Variants in RNF2 observed in about 807,000 individuals in gnomAD.
RNF2 encodes ring finger protein 2, also known as E3 ubiquitin-protein ligase RING2.
A neutral mutation model predicts 37.2 loss-of-function variants in RNF2; 6 were observed. The ratio of observed to expected loss-of-function variants is 0.16; its 90% CI spans 0.09 to 0.32. RNF2 has a LOEUF of 0.32. Ranked by LOEUF, RNF2 falls within the 10% of genes least tolerant of loss-of-function variation. The probability of loss-of-function intolerance (pLI) is 1.00; values close to 1 mark genes in which losing one functional copy is unlikely to be tolerated. For missense variants in RNF2, 251 were observed against 404.0 expected (o/e 0.62, Z 3.25); for synonymous variants, 133 against 132.7 (o/e 1.00, Z -0.02).
chr1:185,082,344 A>ATTTTTTTTTTTTTTTTTT (rs1557969996), intron 1 of RNF2, among the ~76,000 whole-genome samples: 1 of 46,834 alleles, frequency 2.1e-5, no homozygotes. Context: ...CCTCTGCAGA[A>ATTTTTTTTTTTTTTTTTT]CTTTTTTTTT....
intron 1 of RNF2, among the ~76,000 whole-genome samples, chr1:185,064,394 T>G (rs1650738148): frequency 6.6e-6 from 1 of 152,226 alleles, no homozygotes; most frequent in Non-Finnish European, 1.5e-5. Context: ...CTGATTTTTT[T>G]GGTAATGCTT....
At chr1:185,083,159 T>G (rs1651479736) in intron 1 of RNF2, among the ~76,000 whole-genome samples, 2 of 152,232 alleles carry the variant, frequency 1.3e-5, no homozygotes, top group Admixed American at 1.3e-4. Context: ...TCTGCTTGCT[T>G]TATCTACTAA....
chr1:185,076,793 T>G (rs1323173483), intron 1 of RNF2, among the ~76,000 whole-genome samples: 6 of 152,122 alleles, frequency 3.9e-5, no homozygotes, highest in Admixed American at 2.0e-4. Context: ...ATAGTGTTGC[T>G]TTCTATTAAG....
intron 1 of RNF2, among the ~76,000 whole-genome samples, chr1:185,074,789 T>C (rs1651096001): frequency 6.6e-6 from 1 of 152,174 alleles, no homozygotes; most frequent in Non-Finnish European, 1.5e-5. Flanking sequence ...TTACATTGTA[T>C]TGAGTATTGT....
At chr1:185,053,594 C>T (rs1232040146) in intron 1 of RNF2, among the ~76,000 whole-genome samples, 1 of 152,122 alleles carries the variant, frequency 6.6e-6, no homozygotes, top group Non-Finnish European at 1.5e-5. Context: ...CTCAAGCAGT[C>T]CTCCCTCCTT....
At chr1:185,059,190 A>G (rs1650527231) in intron 1 of RNF2, among the ~76,000 whole-genome samples, 1 of 151,984 alleles carries the variant, frequency 6.6e-6, no homozygotes, top group South Asian at 2.1e-4. Context: ...TCAAGAATGA[A>G]AAATGAGAAT....
In RNF2 at chr1:185,087,537, CTTCT is replaced by C. The variant is rs1216377240; in HGVS notation, c.-2-12_-2-9del. On this transcript the variant is annotated splice_polypyrimidine_tract_variant and intron_variant, in intron 1 of 6. Coordinates refer to ENST00000367510, the MANE Select transcript of RNF2 (RefSeq NM_007212.4). Reference sequence around the variant, plus strand: ...CCAAATACTAAAATTGTTTTTCTCTCTTCTTTATTTCCAGCAATGTCTCAGGCTG... The same window carrying C: ...CCAAATACTAAAATTGTTTTTCTCTCTTATTTCCAGCAATGTCTCAGGCTG... The C allele has an allele frequency of 1.4e-5, 22 of 1,611,876 alleles. No individual in the cohort carries two copies. The highest frequency in any genetic ancestry group is 4.4e-5 in the South Asian group (4 of 90,990).
At chr1:185,093,398 C>G in intron 4 of RNF2, 122 bp downstream of exon 4, 1 of 822,318 alleles carries the variant, frequency 1.2e-6, no homozygotes, top group Non-Finnish European at 2.0e-6. Context: ...GATTACCTTT[C>G]GTGCAGGTAT....
intron 1 of RNF2, among the ~76,000 whole-genome samples, chr1:185,065,442 C>A (rs1465037441): frequency 6.6e-6 from 1 of 152,222 alleles, no homozygotes; most frequent in Admixed American, 6.5e-5. Flanking sequence ...CACAATAAAT[C>A]TTGCTGCTGC....
At chr1:185,081,889 G>A (rs1651421902) in intron 1 of RNF2, among the ~76,000 whole-genome samples, 2 of 152,176 alleles carry the variant, frequency 1.3e-5, no homozygotes, top group African/African-American at 4.8e-5. Context: ...AACTGTAGTG[G>A]ATCAGAAAGC....
At chr1:185,091,981 G>GTTT (rs373704731) in intron 3 of RNF2, 173 of 235,190 alleles carry the variant, frequency 7.4e-4, no homozygotes, top group South Asian at 1.4e-3. Flanking sequence ...TGGCCGGCTA[G>GTTT]TTTTTTTTTT....
intron 1 of RNF2, among the ~76,000 whole-genome samples, chr1:185,056,444 G>C (rs1442274826): frequency 1.3e-5 from 2 of 151,176 alleles, no homozygotes; most frequent in African/African-American, 4.9e-5. Flanking sequence ...CTGCAGCCTT[G>C]AACTCCTGGG....
intron 1 of RNF2, among the ~76,000 whole-genome samples, chr1:185,066,196 A>G (rs1404940570): frequency 6.6e-6 from 1 of 152,140 alleles, no homozygotes; most frequent in Non-Finnish European, 1.5e-5. Context: ...TCTCTTCGTC[A>G]TTGCACTGTG....
At chr1:185,076,448 G>T (rs1184743137) in intron 1 of RNF2, among the ~76,000 whole-genome samples, 3 of 150,858 alleles carry the variant, frequency 2.0e-5, no homozygotes, top group Non-Finnish European at 4.4e-5. Context: ...GTGCCTCCAT[G>T]CCTGGCTAAT....
intron 1 of RNF2, among the ~76,000 whole-genome samples, chr1:185,047,844 T>C (rs1650162129): frequency 6.6e-6 from 1 of 152,250 alleles, no homozygotes; most frequent in African/African-American, 2.4e-5. Flanking sequence ...ATTCGTGTTA[T>C]TGCACACACT....
chr1:185,058,313 CTG>C (rs1413912700), intron 1 of RNF2, among the ~76,000 whole-genome samples: 9 of 152,178 alleles, frequency 5.9e-5, no homozygotes, highest in Middle Eastern at 6.8e-3. Flanking sequence ...CTTTTGGTGT[CTG>C]TGGTGTGCGG....
At chr1:185,063,131 C>A (rs1408655203) in intron 1 of RNF2, among the ~76,000 whole-genome samples, 5 of 152,170 alleles carry the variant, frequency 3.3e-5, no homozygotes, top group Non-Finnish European at 5.9e-5. Flanking sequence ...AAACCTGTAA[C>A]TGTAAATGAG....
At position 185,101,846 on chromosome 1, in the gene RNF2, T is replaced by TTTC. The variant is rs1030045020; in HGVS notation, c.*1547_*1548insCTT. The TTTC allele has an allele frequency of 2.0e-5, 3 of 149,062 alleles. No homozygotes were observed. The highest frequency in any genetic ancestry group is 7.4e-5 in the African/African-American group (3 of 40,338). The allele number at this position is 149,062 out of a possible 1,614,324, so 9.2% of individuals were successfully genotyped here. A position where few individuals can be genotyped will look rare whatever the true frequency, so the allele number is the denominator to read the frequency against. On this transcript the variant is annotated 3_prime_UTR_variant, in exon 7 of 7. Coordinates refer to ENST00000367510, the MANE Select transcript of RNF2 (RefSeq NM_007212.4). ...GTTTTTACAGGGTTTTTTTTTTTTT[T>TTTC]TTTTTTTTGTAATCTGTGCCATGAA...
rs981229538 is a variant in RNF2 at position 185,091,475 on chromosome 1, G to A, written c.88-104G>A. On this transcript the variant is annotated intron_variant, in intron 2 of 6. Coordinates refer to ENST00000367510, the MANE Select transcript of RNF2 (RefSeq NM_007212.4). ...GACAATGGCAGTGGCTGGGTGATGG[G>A]TACATATATGTTTGTTTTTACCATT... is the stretch of plus-strand genomic sequence containing the variant. The A allele has an allele frequency of 3.7e-5, 42 of 1,139,358 alleles. 2 individuals carry two copies. In the Middle Eastern group the frequency reaches 1.5e-3, roughly 40 times the overall value. 70.6% of individuals were successfully genotyped at this position (1,139,358 alleles called of 1,614,324 possible).
Sources: gnomAD v4.1 joint callset for allele counts (sites outside exome capture counted in the v4.1 genomes callset) on GRCh38, gnomAD v4.1.1 for gene constraint, MANE v1.5 for transcripts, NCBI Gene and HGNC (gene_info 2026-07-23, HGNC 2026-07-21) for gene names.